Variants in BCKDHB observed in about 807,000 individuals in gnomAD.
BCKDHB encodes the protein 2-oxoisovalerate dehydrogenase subunit beta, mitochondrial.
BCKDHB carries 41 observed loss-of-function variants against 48.5 expected under a neutral mutation model. The ratio of observed to expected loss-of-function variants is 0.85; its 90% confidence interval spans 0.66 to 1.10. The LOEUF (loss-of-function observed/expected upper bound fraction) is 1.10, where lower values mean the gene tolerates loss of function less well. Among genes scored for constraint, BCKDHB ranks in the 50% least tolerant of loss-of-function variants. The probability of loss-of-function intolerance (pLI) is 0.00; values close to 1 mark genes in which losing one functional copy is unlikely to be tolerated. For missense variants in BCKDHB, 496 were observed against 494.2 expected (o/e 1.00, Z -0.03); for synonymous variants, 201 against 174.8 (o/e 1.15, Z -1.18).
the BCKDHB span, among the ~76,000 whole-genome samples, chr6:80,386,753 G>A: frequency 6.6e-6 from 1 of 152,166 alleles, no homozygotes; most frequent in African/African-American, 2.4e-5. Flanking sequence ...AAGTGAAATT[G>A]ATAGGAAGCC....
At chr6:80,172,825 C>T (rs1274598731) in intron 6 of BCKDHB, among the ~76,000 whole-genome samples, 5 of 151,904 alleles carry the variant, frequency 3.3e-5, no homozygotes, top group Non-Finnish European at 5.9e-5. Context: ...TCCTGTTGCT[C>T]TTAAGTTTAA....
the BCKDHB span, among the ~76,000 whole-genome samples, chr6:80,388,983 G>A: frequency 6.6e-6 from 1 of 152,186 alleles, no homozygotes. Flanking sequence ...TGGTTTCACT[G>A]GCTGGTCAGG....
intron 8 of BCKDHB, among the ~76,000 whole-genome samples, chr6:80,236,397 C>G (rs1378534364): frequency 2.6e-5 from 4 of 152,134 alleles, no homozygotes; most frequent in Non-Finnish European, 4.4e-5. Flanking sequence ...CACTGTTTGG[C>G]TCTGTTGTTC....
At chr6:80,366,128 G>A in the BCKDHB span, among the ~76,000 whole-genome samples, 1 of 152,146 alleles carries the variant, frequency 6.6e-6, no homozygotes, top group African/African-American at 2.4e-5. Flanking sequence ...ATAAAAGCAG[G>A]AATTTTCCTG....
At chr6:80,393,401 G>A in the BCKDHB span, among the ~76,000 whole-genome samples, 3 of 152,124 alleles carry the variant, frequency 2.0e-5, no homozygotes, top group Admixed American at 2.0e-4. Flanking sequence ...GAGGGTAGAG[G>A]CCTGGGAATG....
At chr6:80,292,711 C>G (rs1178748906) in intron 9 of BCKDHB, among the ~76,000 whole-genome samples, 1 of 152,068 alleles carries the variant, frequency 6.6e-6, no homozygotes, top group Non-Finnish European at 1.5e-5. Flanking sequence ...GTCCACAGTC[C>G]AAAGTCTCAT....
intron 9 of BCKDHB, among the ~76,000 whole-genome samples, chr6:80,277,207 T>C (rs1333746949): frequency 6.6e-6 from 1 of 152,108 alleles, no homozygotes; most frequent in Non-Finnish European, 1.5e-5. Flanking sequence ...TTCTTTTTAT[T>C]GTGTATTTTA....
intron 3 of BCKDHB, among the ~76,000 whole-genome samples, chr6:80,134,331 AAT>A (rs751549872): frequency 1.3e-5 from 2 of 152,196 alleles, no homozygotes; most frequent in Non-Finnish European, 2.9e-5. Context: ...TGGGAAAACT[AAT>A]ATAACCACTT....
At chr6:80,307,168 T>C (rs770601685) in intron 9 of BCKDHB, among the ~76,000 whole-genome samples, 1 of 152,198 alleles carries the variant, frequency 6.6e-6, no homozygotes, top group Non-Finnish European at 1.5e-5. Context: ...CTTTATTTAA[T>C]CATACAGACT....
intron 3 of BCKDHB, among the ~76,000 whole-genome samples, chr6:80,155,706 A>T (rs1300961641): frequency 6.6e-6 from 1 of 152,044 alleles, no homozygotes; most frequent in Non-Finnish European, 1.5e-5. Context: ...CCCTTGTGGG[A>T]TTACTGGTAA....
the BCKDHB span, among the ~76,000 whole-genome samples, chr6:80,430,949 G>A: frequency 2.1e-4 from 32 of 152,028 alleles, no homozygotes; most frequent in African/African-American, 7.2e-4. Flanking sequence ...CTTCTCTTGT[G>A]GGTTTCTAGT....
chr6:80,238,043 C>T (rs1776216348), intron 8 of BCKDHB, among the ~76,000 whole-genome samples: 1 of 152,150 alleles, frequency 6.6e-6, no homozygotes, highest in African/African-American at 2.4e-5. Context: ...AAAATTCCTT[C>T]CTCCCTCCTT....
intron 5 of BCKDHB, among the ~76,000 whole-genome samples, chr6:80,170,483 A>C (rs1264226893): frequency 6.6e-6 from 1 of 152,070 alleles, no homozygotes; most frequent in Non-Finnish European, 1.5e-5. Context: ...ATTGGGTGAG[A>C]CTCTTTGATC....
chr6:80,262,034 G>C (rs751500910), intron 8 of BCKDHB, among the ~76,000 whole-genome samples: 1 of 152,180 alleles, frequency 6.6e-6, no homozygotes, highest in Non-Finnish European at 1.5e-5. Context: ...AGAGCGTGCA[G>C]TTCCCATCTT....
At chr6:80,217,148 A>G (rs983555192) in intron 8 of BCKDHB, among the ~76,000 whole-genome samples, 2 of 152,128 alleles carry the variant, frequency 1.3e-5, no homozygotes, top group Non-Finnish European at 2.9e-5. Flanking sequence ...AGGCTGGGGC[A>G]GAGAAACTCT....
chr6:80,377,262 G>A, the BCKDHB span, among the ~76,000 whole-genome samples: 3 of 151,944 alleles, frequency 2.0e-5, no homozygotes, highest in South Asian at 4.1e-4. Flanking sequence ...GGCTGGTCTC[G>A]AACTCCCAAA....
intron 3 of BCKDHB, among the ~76,000 whole-genome samples, chr6:80,140,982 T>G (rs1253227290): frequency 3.9e-5 from 6 of 152,158 alleles, no homozygotes; most frequent in African/African-American, 7.2e-5. Flanking sequence ...CAATTTCAGC[T>G]CCTGTTATTG....
At chr6:80,152,827 C>G (rs1289288639) in intron 3 of BCKDHB, among the ~76,000 whole-genome samples, 1 of 152,176 alleles carries the variant, frequency 6.6e-6, no homozygotes, top group East Asian at 1.9e-4. Context: ...ATCATCATGT[C>G]TGTCATATGG....
the BCKDHB span, among the ~76,000 whole-genome samples, chr6:80,402,992 T>A: frequency 6.6e-6 from 1 of 151,836 alleles, no homozygotes; most frequent in East Asian, 1.9e-4. Context: ...TATCACACTG[T>A]TTTCATTATC....
Sources: gnomAD v4.1 joint callset for allele counts (sites outside exome capture counted in the v4.1 genomes callset) on GRCh38, gnomAD v4.1.1 for gene constraint, MANE v1.5 for transcripts, NCBI Gene and HGNC (gene_info 2026-07-23, HGNC 2026-07-21) for gene names.